The following GPATCH2 variants were observed in gnomAD, a reference collection of about 807,000 sequenced individuals.
GPATCH2 encodes the protein G-patch domain containing 2, also known as G patch domain-containing protein 2.
Under a neutral mutation model 58.0 loss-of-function variants are expected in GPATCH2, and 51 were observed. The ratio of observed to expected loss-of-function variants is 0.88; its 90% confidence interval spans 0.70 to 1.11. The LOEUF is 1.11. Among genes scored for constraint, GPATCH2 ranks in the 50% most tolerant of loss-of-function variants. The pLI is 0.00. For missense variants in GPATCH2, 625 were observed against 652.2 expected (o/e 0.96, Z 0.45); for synonymous variants, 222 against 218.5 (o/e 1.02, Z -0.14).
At chr1:217,433,382 ATATT>A (rs71967714) in intron 9 of GPATCH2, among the ~76,000 whole-genome samples, 28,755 of 77,518 alleles carry the variant, frequency 0.37, 3,283 homozygotes, top group South Asian at 0.46. Context: ...ATATATATAT[ATATT>A]TATTTATTTA....
At chr1:217,616,764 T>C (rs17723530) in intron 2 of GPATCH2, among the ~76,000 whole-genome samples, 6,310 of 152,260 alleles carry the variant, frequency 0.041, 195 homozygotes, top group Middle Eastern at 0.095. Flanking sequence ...TATAACACGG[T>C]ATTTGGATGA....
At chr1:217,491,544 A>T (rs1558430509) in intron 8 of GPATCH2, 136 bp downstream of exon 8, 3 of 419,216 alleles carry the variant, frequency 7.2e-6, no homozygotes, top group Non-Finnish European at 1.3e-5. Flanking sequence ...CCTAAAATAG[A>T]TTCCAATAAA....
At chr1:217,531,068 C>G (rs543472921) in intron 5 of GPATCH2, among the ~76,000 whole-genome samples, 3 of 96,078 alleles carry the variant, frequency 3.1e-5, no homozygotes, top group South Asian at 7.3e-4. Flanking sequence ...CACACACACA[C>G]ACACTTTATT....
At chr1:217,604,270 G>C (rs1668252625) in intron 5 of GPATCH2, among the ~76,000 whole-genome samples, 1 of 150,778 alleles carries the variant, frequency 6.6e-6, no homozygotes, top group African/African-American at 2.4e-5. Context: ...AGAATCACTT[G>C]AACCCGGGAG....
At chr1:217,564,045 G>GAAAAAAAA in intron 5 of GPATCH2, among the ~76,000 whole-genome samples, 1 of 58,216 alleles carries the variant, frequency 1.7e-5, no homozygotes, top group Non-Finnish European at 2.9e-5. Context: ...ACTCCGTCTC[G>GAAAAAAAA]AAAAAAAAAA....
rs532806434 is a variant in GPATCH2, at chr1:217,588,912, G to C, written c.1098+21409C>G. Among the ~76,000 whole-genome samples, 4 of 152,226 alleles carry C rather than the reference G, an allele frequency of 2.6e-5. No homozygotes were observed. In the South Asian group the frequency reaches 6.2e-4, roughly 24 times the overall value. On this transcript the variant is annotated intron_variant, in intron 5 of 9. Coordinates refer to ENST00000366935, the MANE Select transcript of GPATCH2 (RefSeq NM_018040.5). Reference sequence around the variant, plus strand: ...AAACATTTTAAACACAATTTATTAAGCATGTAACTAATAACAGTTATGCAG... The same window carrying C: ...AAACATTTTAAACACAATTTATTAACCATGTAACTAATAACAGTTATGCAG...
intron 5 of GPATCH2, among the ~76,000 whole-genome samples, chr1:217,524,847 C>A (rs1207103028): frequency 5.3e-5 from 1 of 18,836 alleles, no homozygotes; most frequent in African/African-American, 1.4e-4. Context: ...AGAGGGAGAC[C>A]GGGGAGAGGG....
intron 5 of GPATCH2, among the ~76,000 whole-genome samples, chr1:217,551,127 A>G (rs1665338919): frequency 6.6e-6 from 1 of 151,816 alleles, no homozygotes; most frequent in African/African-American, 2.4e-5. Context: ...ATCATGAAAA[A>G]AAAAAACAGA....
chr1:217,487,942 A>G (rs1294851445), intron 8 of GPATCH2, among the ~76,000 whole-genome samples: 1 of 151,802 alleles, frequency 6.6e-6, no homozygotes, highest in East Asian at 1.9e-4. Flanking sequence ...CGGTTTCACC[A>G]TGTTGGTCAG....
intron 5 of GPATCH2, among the ~76,000 whole-genome samples, chr1:217,547,275 A>G: frequency 6.6e-6 from 1 of 151,904 alleles, no homozygotes. Context: ...AGGCAGGAGA[A>G]TTGTTTGAAC....
chr1:217,568,842 C>T (rs970716512), intron 5 of GPATCH2, among the ~76,000 whole-genome samples: 2 of 152,132 alleles, frequency 1.3e-5, no homozygotes, highest in African/African-American at 2.4e-5. Flanking sequence ...GTCACTCTAG[C>T]TGTTGTTTTG....
intron 5 of GPATCH2, among the ~76,000 whole-genome samples, chr1:217,554,964 A>T (rs1302121578): frequency 6.6e-6 from 1 of 152,218 alleles, no homozygotes; most frequent in Non-Finnish European, 1.5e-5. Flanking sequence ...ACAGTGCTAC[A>T]AAGAGTAGGA....
chr1:217,427,650 A>C lies in GPATCH2; in HGVS notation c.*3495T>G, dbSNP rs1298253364. The C allele has an allele frequency of 6.6e-6, 1 of 152,184 alleles. No homozygotes were observed. The highest frequency in any genetic ancestry group is 1.9e-4 in the East Asian group (1 of 5,198). 9.4% of individuals were successfully genotyped at this position (152,184 alleles called of 1,614,324 possible). On this transcript the variant is annotated 3_prime_UTR_variant, in exon 10 of 10. Coordinates refer to ENST00000366935, the MANE Select transcript of GPATCH2 (RefSeq NM_018040.5). ...AACAATTTCTTTACAATGCCAACTT[A>C]GATCACTTTTCTTTTTGAAAGACAA...
At chr1:217,595,194 A>G (rs1197979563) in intron 5 of GPATCH2, among the ~76,000 whole-genome samples, 1 of 152,232 alleles carries the variant, frequency 6.6e-6, no homozygotes, top group Admixed American at 6.5e-5. Context: ...GGCTAATGCC[A>G]AATATGTGGC....
chr1:217,630,019 G>T (rs1390159650), intron 1 of GPATCH2, among the ~76,000 whole-genome samples: 4 of 152,158 alleles, frequency 2.6e-5, no homozygotes, highest in Non-Finnish European at 5.9e-5. Context: ...TCTTTCACCT[G>T]TTGGTCAGAA....
chr1:217,485,309 G>A (rs1350485846), intron 8 of GPATCH2, among the ~76,000 whole-genome samples: 4 of 152,128 alleles, frequency 2.6e-5, no homozygotes, highest in South Asian at 2.1e-4. Context: ...TCAGTCTACC[G>A]ATTCAAATGC....
At chr1:217,597,026 A>G (rs901518735) in intron 5 of GPATCH2, among the ~76,000 whole-genome samples, 10 of 152,148 alleles carry the variant, frequency 6.6e-5, no homozygotes, top group Non-Finnish European at 1.3e-4. Context: ...ATAAGATACC[A>G]ATAGACAAAA....
At chr1:217,452,600 T>C (rs1659720378) in intron 8 of GPATCH2, among the ~76,000 whole-genome samples, 1 of 152,180 alleles carries the variant, frequency 6.6e-6, no homozygotes, top group South Asian at 2.1e-4. Flanking sequence ...CTTCTTAAAA[T>C]TTATTATGTA....
chr1:217,621,983 T>C (rs1054635656), intron 1 of GPATCH2, among the ~76,000 whole-genome samples: 1 of 152,226 alleles, frequency 6.6e-6, no homozygotes, highest in African/African-American at 2.4e-5. Flanking sequence ...TGTCACAATG[T>C]GATGCGTCTA....
Sources: gnomAD v4.1 joint callset for allele counts (sites outside exome capture counted in the v4.1 genomes callset) on GRCh38, gnomAD v4.1.1 for gene constraint, MANE v1.5 for transcripts, NCBI Gene and HGNC (gene_info 2026-07-23, HGNC 2026-07-21) for gene names.